The following CHMP1B variants were observed in gnomAD, a reference collection of about 807,000 sequenced individuals.
CHMP1B encodes the protein VPS46 homolog B.
In CHMP1B, 5 loss-of-function variants were observed where a neutral mutation model predicts 11.5. That is an observed-to-expected ratio of 0.43 (90% CI 0.23 to 0.91). The LOEUF is 0.91. Among genes scored for constraint, CHMP1B ranks in the 40% least tolerant of loss-of-function variants. CHMP1B has a pLI of 0.25. For synonymous variants in CHMP1B, 105 were observed against 105.7 expected, an observed-to-expected ratio of 0.99 and a Z score of 0.04; for missense variants, 246 against 261.2, an observed-to-expected ratio of 0.94 and a Z score of 0.40.
In CHMP1B at chr18:11,851,493, C is replaced by G. The variant is rs1379975960; in HGVS notation, c.-19C>G. The G allele has an allele frequency of 6.5e-7, 1 of 1,528,320 alleles. No individual in the cohort carries two copies. Among genetic ancestry groups the G allele is most frequent in the Non-Finnish European group, 8.7e-7 (1 of 1,142,962 alleles). 94.7% of individuals were successfully genotyped at this position (1,528,320 alleles called of 1,614,324 possible). A position where few individuals can be genotyped will look rare whatever the true frequency, so the allele number is the denominator to read the frequency against. On this transcript the variant is annotated 5_prime_UTR_variant, in exon 1 of 1. Transcript: ENST00000526991. The stretch of plus-strand genomic sequence containing the variant: ...CGCGCTTCTCAGCCGGGCCGCCGAC[C>G]CAAAGGAGCCGTCCGACTATGTCTA...
chr18:11,852,273 A>T lies in CHMP1B; in HGVS notation c.*162A>T. ...CCCCTCCACATAAATTAAGAAATTC[A>T]GTATTTCTGCACTCTTAGCTGGATT... On this transcript the variant is annotated 3_prime_UTR_variant, in exon 1 of 1. Transcript: ENST00000526991. The T allele has an allele frequency of 2.4e-6, 2 of 824,186 alleles. No homozygotes were observed. The highest frequency in any genetic ancestry group is 3.8e-6 in the Non-Finnish European group (2 of 532,714). The allele number at this position is 824,186 out of a possible 1,614,324, so 51.1% of individuals were successfully genotyped here.
chr18:11,852,674 T>A lies in CHMP1B; in HGVS notation c.*563T>A, dbSNP rs2035907637. 6.0e-6 allele frequency: 1 copy of A among 166,374 alleles called. No individual in the cohort carries two copies. The highest frequency in any genetic ancestry group is 6.5e-5 in the Admixed American group (1 of 15,294). The allele number at this position is 166,374 out of a possible 1,614,324, so 10.3% of individuals were successfully genotyped here. ...ATGATTGTTCTCATAACGTATATTATTAATAAATGTGGTCCTATAATTTAT... is the reference window on the plus strand; with the variant it reads ...ATGATTGTTCTCATAACGTATATTAATAATAAATGTGGTCCTATAATTTAT... On this transcript the variant is annotated 3_prime_UTR_variant, in exon 1 of 1. Transcript: ENST00000526991.
Position 11,853,322 on chromosome 18 carries a change from C to A in CHMP1B, c.*1211C>A, listed in dbSNP as rs1464458336. On this transcript the variant is annotated 3_prime_UTR_variant, in exon 1 of 1. Coordinates refer to ENST00000526991, the MANE Select transcript of CHMP1B (RefSeq NM_020412.5). ...TCTTTAAGGCTAGAGCCCAGCTGTGCTGCCTGCCATCTTCTCAGGAATGGC... is the reference window on the plus strand; with the variant it reads ...TCTTTAAGGCTAGAGCCCAGCTGTGATGCCTGCCATCTTCTCAGGAATGGC... 1 of 167,140 alleles carries A rather than the reference C, an allele frequency of 6.0e-6. No individual in the cohort carries two copies. Among genetic ancestry groups the A allele is most frequent in the East Asian group, 1.9e-4 (1 of 5,206 alleles). The allele number at this position is 167,140 out of a possible 1,614,324, so 10.4% of individuals were successfully genotyped here. A position where few individuals can be genotyped will look rare whatever the true frequency, so the allele number is the denominator to read the frequency against.
In CHMP1B at chr18:11,851,442, ACTTAC is replaced by A. The variant is rs537776428; in HGVS notation, c.-61_-57del. On this transcript the variant is annotated 5_prime_UTR_variant, in exon 1 of 1. Coordinates refer to ENST00000526991, the MANE Select transcript of CHMP1B (RefSeq NM_020412.5). ...ACAAAGGAGCGGCGGCCGGGAGCGG[ACTTAC>A]CTTACCTTCTCTGCCTTCGGCGCGC... 4.5e-4 allele frequency: 650 copies of A among 1,456,684 alleles called. 7 individuals carry two copies. The South Asian group carries it at 8.6e-3, about 19-fold the overall frequency. 90.2% of individuals were successfully genotyped at this position (1,456,684 alleles called of 1,614,324 possible).
In CHMP1B at chr18:11,852,473, A is replaced by G. The variant is rs893822386; in HGVS notation, c.*362A>G. 3 of 232,144 alleles carry G rather than the reference A, an allele frequency of 1.3e-5. No individual in the cohort carries two copies. Among genetic ancestry groups the G allele is most frequent in the East Asian group, 1.0e-4 (1 of 9,684 alleles). The allele number at this position is 232,144 out of a possible 1,614,324, so 14.4% of individuals were successfully genotyped here. A position where few individuals can be genotyped will look rare whatever the true frequency, so the allele number is the denominator to read the frequency against. On this transcript the variant is annotated 3_prime_UTR_variant, in exon 1 of 1. Transcript: ENST00000526991. ...TTTTTATTATTATTTAGTGTGATTG[A>G]TAGTATCTAGAATGGCAGGTGGTGC...
Position 11,852,239 on chromosome 18 carries a change from GT to G in CHMP1B, c.*131del. 2 of 1,147,100 alleles carry G rather than the reference GT, an allele frequency of 1.7e-6. No homozygotes were observed. Among genetic ancestry groups the G allele is most frequent in the South Asian group, 3.3e-5 (2 of 60,368 alleles). The allele number at this position is 1,147,100 out of a possible 1,614,324, so 71.1% of individuals were successfully genotyped here. ...TGCTGAAATGCCCTTCTACCTTTGG[GT>G]TTACAGCCCCCTCCACATAAATTAA... On this transcript the variant is annotated 3_prime_UTR_variant, in exon 1 of 1. Coordinates refer to ENST00000526991, the MANE Select transcript of CHMP1B (RefSeq NM_020412.5).
chr18:11,851,462 C>G lies in CHMP1B; in HGVS notation c.-50C>G, dbSNP rs1235837141. On this transcript the variant is annotated 5_prime_UTR_variant, in exon 1 of 1. Coordinates refer to ENST00000526991, the MANE Select transcript of CHMP1B (RefSeq NM_020412.5). ...AGCGGACTTACCTTACCTTCTCTGCCTTCGGCGCGCTTCTCAGCCGGGCCG... is the reference window on the plus strand; with the variant it reads ...AGCGGACTTACCTTACCTTCTCTGCGTTCGGCGCGCTTCTCAGCCGGGCCG... The G allele has an allele frequency of 6.8e-7, 1 of 1,480,196 alleles. No individual in the cohort carries two copies. Among genetic ancestry groups the G allele is most frequent in the East Asian group, 2.4e-5 (1 of 40,962 alleles). 91.7% of individuals were successfully genotyped at this position (1,480,196 alleles called of 1,614,324 possible).
chr18:11,851,942 C>T lies in CHMP1B; in HGVS notation c.431C>T (p.Thr144Ile). The change falls in exon 1 of 1, where the codon ACT becomes ATT. Residue 144 changes from threonine to isoleucine, a missense_variant. Thr to Ile is a moderately conservative substitution (Grantham distance 89). Transcript: ENST00000526991. ...ATGAGCAGCACGACGACGCTCACCACTCCCCAGAACCAAGTGGATATGCTG... is the reference window on the plus strand; with the variant it reads ...ATGAGCAGCACGACGACGCTCACCATTCCCCAGAACCAAGTGGATATGCTG... Reference protein sequence around the residue: ...DTMSSTTTLTTPQNQVDMLLQ... With the variant: ...DTMSSTTTLTIPQNQVDMLLQ... The T allele has an allele frequency of 6.2e-7, 1 of 1,613,984 alleles. No individual in the cohort carries two copies. The highest frequency in any genetic ancestry group is 1.1e-5 in the South Asian group (1 of 91,090).
At position 11,854,388 on chromosome 18, in the gene CHMP1B, G is replaced by A. The variant is rs1307784855; in HGVS notation, c.*2277G>A. ...CATGAATTACTTCCTCACTTTTGCA[G>A]TTGATTACTGAAATGTAAATCACAA... On this transcript the variant is annotated 3_prime_UTR_variant, in exon 1 of 1. Coordinates refer to ENST00000526991, the MANE Select transcript of CHMP1B (RefSeq NM_020412.5). 2.4e-5 allele frequency: 4 copies of A among 167,036 alleles called. No individual in the cohort carries two copies. Among genetic ancestry groups the A allele is most frequent in the East Asian group, 1.9e-4 (1 of 5,196 alleles). 10.3% of individuals were successfully genotyped at this position (167,036 alleles called of 1,614,324 possible).
In CHMP1B at chr18:11,851,435, G is replaced by A. The variant is rs1457913880; in HGVS notation, c.-77G>A. 3 of 1,442,282 alleles carry A rather than the reference G, an allele frequency of 2.1e-6. No homozygotes were observed. The highest frequency in any genetic ancestry group is 2.5e-5 in the East Asian group (1 of 40,272). The allele number at this position is 1,442,282 out of a possible 1,614,324, so 89.3% of individuals were successfully genotyped here. ...GACCAAAACAAAGGAGCGGCGGCCG[G>A]GAGCGGACTTACCTTACCTTCTCTG... On this transcript the variant is annotated 5_prime_UTR_variant, in exon 1 of 1. Coordinates refer to ENST00000526991, the MANE Select transcript of CHMP1B (RefSeq NM_020412.5).
Position 11,854,164 on chromosome 18 carries a change from A to C in CHMP1B, c.*2053A>C, listed in dbSNP as rs1351773249. ...GATTGGAAAAAATAATTACAACTTT[A>C]AAAATAGCTTAGTGTTGAACCCTTT... is the stretch of plus-strand genomic sequence containing the variant. On this transcript the variant is annotated 3_prime_UTR_variant, in exon 1 of 1. Coordinates refer to ENST00000526991, the MANE Select transcript of CHMP1B (RefSeq NM_020412.5). 1 of 167,086 alleles carries C rather than the reference A, an allele frequency of 6.0e-6. No individual in the cohort carries two copies. The highest frequency in any genetic ancestry group is 1.5e-5 in the Non-Finnish European group (1 of 68,126). The allele number at this position is 167,086 out of a possible 1,614,324, so 10.4% of individuals were successfully genotyped here. A position where few individuals can be genotyped will look rare whatever the true frequency, so the allele number is the denominator to read the frequency against.
In CHMP1B at chr18:11,854,353, A is replaced by T. The variant is rs1020390412; in HGVS notation, c.*2242A>T. Reference sequence around the variant, plus strand: ...AGTCATAAATATTATTTTCAAAAGCACTACAGGCCCATGAATTACTTCCTC... The same window carrying T: ...AGTCATAAATATTATTTTCAAAAGCTCTACAGGCCCATGAATTACTTCCTC... On this transcript the variant is annotated 3_prime_UTR_variant, in exon 1 of 1. Coordinates refer to ENST00000526991, the MANE Select transcript of CHMP1B (RefSeq NM_020412.5). 1.0e-4 allele frequency: 17 copies of T among 167,260 alleles called. No homozygotes were observed. Among genetic ancestry groups the T allele is most frequent in the African/African-American group, 4.1e-4 (17 of 41,590 alleles). The allele number at this position is 167,260 out of a possible 1,614,324, so 10.4% of individuals were successfully genotyped here.
In CHMP1B at chr18:11,851,984, A is replaced by G; in HGVS notation, c.473A>G (p.Asp158Gly). 2 of 1,613,852 alleles carry G rather than the reference A, an allele frequency of 1.2e-6. No individual in the cohort carries two copies. The highest frequency in any genetic ancestry group is 1.7e-6 in the Non-Finnish European group (2 of 1,179,874). The change falls in exon 1 of 1, where the codon GAT becomes GGT. Residue 158 changes from aspartate (D) to glycine (G), a missense_variant. Coordinates refer to ENST00000526991, the MANE Select transcript of CHMP1B (RefSeq NM_020412.5). ...GATATGCTGCTCCAGGAAATGGCAG[A>G]TGAGGCGGGCCTCGACCTCAACATG... Reference protein sequence around the residue: ...QVDMLLQEMADEAGLDLNMEL... With the variant: ...QVDMLLQEMAGEAGLDLNMEL...
rs1056305935 is a variant in CHMP1B, at chr18:11,852,806, A to G, written c.*695A>G. 1 of 166,984 alleles carries G rather than the reference A, an allele frequency of 6.0e-6. No individual in the cohort carries two copies. The highest frequency in any genetic ancestry group is 2.4e-5 in the African/African-American group (1 of 41,454). 10.3% of individuals were successfully genotyped at this position (166,984 alleles called of 1,614,324 possible). A position where few individuals can be genotyped will look rare whatever the true frequency, so the allele number is the denominator to read the frequency against. On this transcript the variant is annotated 3_prime_UTR_variant, in exon 1 of 1. Coordinates refer to ENST00000526991, the MANE Select transcript of CHMP1B (RefSeq NM_020412.5). ...TGCGTAACTGGGAAAAATGCCGAATAACTTCCTTTATTATCTGGAAAAATT... is the reference window on the plus strand; with the variant it reads ...TGCGTAACTGGGAAAAATGCCGAATGACTTCCTTTATTATCTGGAAAAATT...
Position 11,852,183 on chromosome 18 carries a change from C to G in CHMP1B, c.*72C>G. 1 of 1,456,874 alleles carries G rather than the reference C, an allele frequency of 6.9e-7. No individual in the cohort carries two copies. The allele number at this position is 1,456,874 out of a possible 1,614,324, so 90.2% of individuals were successfully genotyped here. ...ATGCTCTCTGTGTGTTAGAGAGATACTATACCCTAGAAACTCTGAACACGC... is the reference window on the plus strand; with the variant it reads ...ATGCTCTCTGTGTGTTAGAGAGATAGTATACCCTAGAAACTCTGAACACGC... On this transcript the variant is annotated 3_prime_UTR_variant, in exon 1 of 1. Transcript: ENST00000526991.
In CHMP1B at chr18:11,851,438, G is replaced by A. The variant is rs1011349110; in HGVS notation, c.-74G>A. ...CAAAACAAAGGAGCGGCGGCCGGGA[G>A]CGGACTTACCTTACCTTCTCTGCCT... On this transcript the variant is annotated 5_prime_UTR_variant, in exon 1 of 1. Coordinates refer to ENST00000526991, the MANE Select transcript of CHMP1B (RefSeq NM_020412.5). 6.9e-6 allele frequency: 10 copies of A among 1,446,274 alleles called. No homozygotes were observed. The highest frequency in any genetic ancestry group is 1.4e-5 in the African/African-American group (1 of 69,770). 89.6% of individuals were successfully genotyped at this position (1,446,274 alleles called of 1,614,324 possible).
In CHMP1B at chr18:11,851,632, C is replaced by G; in HGVS notation, c.121C>G (p.Gln41Glu). 1 of 1,613,972 alleles carries G rather than the reference C, an allele frequency of 6.2e-7. No homozygotes were observed. The highest frequency in any genetic ancestry group is 8.5e-7 in the Non-Finnish European group (1 of 1,179,876). Residue 41 changes from glutamine (Q) to glutamate (E), a missense_variant, in exon 1 of 1, where the codon CAG becomes GAG. Physicochemically the swap from Gln to Glu is conservative, Grantham distance 29. Transcript: ENST00000526991. Reference sequence around the variant, plus strand: ...AAAGGCCAAAATTAAAAAGGCCATTCAGAAGGGCAACATGGAAGTTGCGAG... The same window carrying G: ...AAAGGCCAAAATTAAAAAGGCCATTGAGAAGGGCAACATGGAAGTTGCGAG... ...AEKAKIKKAI[Q>E]KGNMEVARIH...
rs758967526 is a variant in CHMP1B at position 11,851,654 on chromosome 18, C to T, written c.143C>T (p.Ala48Val). The T allele has an allele frequency of 1.9e-6, 3 of 1,613,980 alleles. No homozygotes were observed. The highest frequency in any genetic ancestry group is 1.7e-5 in the Admixed American group (1 of 60,018). Residue 48 changes from alanine (A) to valine (V), a missense_variant, in exon 1 of 1, where the codon GCG (alanine) becomes GTG (valine). Physicochemically the swap from Ala to Val is moderately conservative, Grantham distance 64. Coordinates refer to ENST00000526991, the MANE Select transcript of CHMP1B (RefSeq NM_020412.5). ...KAIQKGNMEV[A>V]RIHAENAIRQ... ...ATTCAGAAGGGCAACATGGAAGTTG[C>T]GAGGATACACGCCGAAAATGCCATC...
At position 11,853,623 on chromosome 18, in the gene CHMP1B, GAAAAA is replaced by G. The variant is rs979711503; in HGVS notation, c.*1517_*1521del. The G allele has an allele frequency of 6.0e-6, 1 of 165,498 alleles. No individual in the cohort carries two copies. The highest frequency in any genetic ancestry group is 1.9e-4 in the East Asian group (1 of 5,186). The allele number at this position is 165,498 out of a possible 1,614,324, so 10.3% of individuals were successfully genotyped here. ...ATGTTTCCCAGTGTAAATGAGTAAG[GAAAAA>G]AAAAGTGTAACAGGTGCGTGCAGAT... is the stretch of plus-strand genomic sequence containing the variant. On this transcript the variant is annotated 3_prime_UTR_variant, in exon 1 of 1. Coordinates refer to ENST00000526991, the MANE Select transcript of CHMP1B (RefSeq NM_020412.5).
Sources: gnomAD v4.1 joint callset for allele counts on GRCh38, gnomAD v4.1.1 for gene constraint, MANE v1.5 for transcripts, NCBI Gene and HGNC (gene_info 2026-07-23, HGNC 2026-07-21) for gene names.